The following SYN3 variants were observed in gnomAD, a reference collection of about 807,000 sequenced individuals.
SYN3 encodes synapsin III, also known as synapsin-3.
In SYN3, 35 loss-of-function variants were observed where a neutral mutation model predicts 65.8. That is an observed-to-expected ratio of 0.53 (90% confidence interval 0.41 to 0.70). SYN3 has a LOEUF of 0.70. Among genes scored for constraint, SYN3 ranks in the 30% least tolerant of loss-of-function variants. The probability of loss-of-function intolerance (pLI) is 0.00; values close to 1 mark genes in which losing one functional copy is unlikely to be tolerated. For missense variants in SYN3, 680 were observed against 749.0 expected (o/e 0.91, Z 1.08); for synonymous variants, 270 against 292.9 (o/e 0.92, Z 0.80).
In SYN3 at chr22:33,006,640, A is replaced by C. The variant is rs1279413120; in HGVS notation, c.23T>G (p.Leu8Arg). 6.3e-7 allele frequency: 1 copy of C among 1,587,798 alleles called. No homozygotes were observed. Among genetic ancestry groups the C allele is most frequent in the Non-Finnish European group, 8.6e-7 (1 of 1,166,188 alleles). Residue 8 changes from leucine (L) to arginine (R), a missense_variant, in exon 2 of 14, where the codon CTC becomes CGC. By Grantham distance (102) the Leu-to-Arg change is moderately radical. Transcript: ENST00000358763. ...GTTGGCCATGAAGCTGCTGTCAGAGAGACGTCGCCGGAGGAAATTCATGGC... is the reference window on the plus strand; with the variant it reads ...GTTGGCCATGAAGCTGCTGTCAGAGCGACGTCGCCGGAGGAAATTCATGGC... MNFLRRR[L>R]SDSSFMANLP...
chr22:33,009,507 C>T (rs1326675338), intron 1 of SYN3, among the ~76,000 whole-genome samples: 1 of 151,902 alleles, frequency 6.6e-6, no homozygotes, highest in African/African-American at 2.4e-5. Context: ...TTTATACATT[C>T]TAGATACAAG....
At chr22:32,879,650 A>G (rs1019999862) in intron 4 of SYN3, among the ~76,000 whole-genome samples, 16 of 152,246 alleles carry the variant, frequency 1.1e-4, no homozygotes, top group African/African-American at 3.6e-4. Context: ...ATTGAAGGTT[A>G]GGATTTCAAC....
intron 6 of SYN3, among the ~76,000 whole-genome samples, chr22:32,630,305 G>A (rs2059730370): frequency 6.6e-6 from 1 of 152,006 alleles, no homozygotes; most frequent in Admixed American, 6.6e-5. Context: ...TTTAGAGATG[G>A]GGTCTTGCCA....
chr22:32,576,346 C>T (rs1202955152), intron 7 of SYN3, among the ~76,000 whole-genome samples: 4 of 152,162 alleles, frequency 2.6e-5, no homozygotes, highest in African/African-American at 4.8e-5. Context: ...CCACTGGCTT[C>T]GCTTGTCTGA....
intron 6 of SYN3, among the ~76,000 whole-genome samples, chr22:32,727,250 G>A (rs1415529380): frequency 6.6e-6 from 1 of 152,140 alleles, no homozygotes; most frequent in Non-Finnish European, 1.5e-5. Flanking sequence ...TTGGTTTTCT[G>A]TTCCTGCATT....
intron 6 of SYN3, chr22:32,859,662 T>C (rs1361772809): frequency 2.8e-5 from 12 of 436,322 alleles, no homozygotes; most frequent in Middle Eastern, 1.2e-3. Context: ...TTCTTCGTGA[T>C]AATATAATCT....
At chr22:32,568,713 G>C (rs987664786) in intron 7 of SYN3, among the ~76,000 whole-genome samples, 6 of 152,136 alleles carry the variant, frequency 3.9e-5, no homozygotes, top group East Asian at 3.8e-4. Flanking sequence ...CATCACCTTG[G>C]GGGGTAGGAC....
rs1235643998 is a variant in SYN3 at position 32,513,754 on chromosome 22, C to T, written c.1681G>A (p.Glu561Lys). The T allele has an allele frequency of 3.1e-6, 5 of 1,614,180 alleles. No individual in the cohort carries two copies. The South Asian group carries it at 3.3e-5, about 11-fold the overall frequency. The change falls in exon 14 of 14, where the codon GAG (glutamate) becomes AAG (lysine). Residue 561 changes from glutamate to lysine, a missense_variant. Coordinates refer to ENST00000358763, the MANE Select transcript of SYN3 (RefSeq NM_003490.4). Reference sequence around the variant, plus strand: ...TTGCGGATGGTTTCAGCCTTGGCCTCGTCTTCACTTGGGGTCCCACGCTGG... The same window carrying T: ...TTGCGGATGGTTTCAGCCTTGGCCTTGTCTTCACTTGGGGTCCCACGCTGG... Reference protein sequence around the residue: ...TSQRGTPSEDEAKAETIRNLR... With the variant: ...TSQRGTPSEDKAKAETIRNLR...
At chr22:32,699,866 G>T (rs2060787921) in intron 6 of SYN3, among the ~76,000 whole-genome samples, 1 of 152,106 alleles carries the variant, frequency 6.6e-6, no homozygotes, top group East Asian at 1.9e-4. Context: ...TTGAGGCAAG[G>T]TCTATGACTC....
intron 6 of SYN3, among the ~76,000 whole-genome samples, chr22:32,842,283 G>T (rs965264685): frequency 2.0e-5 from 3 of 152,122 alleles, no homozygotes; most frequent in African/African-American, 7.2e-5. Context: ...GTTTTTTTGG[G>T]AGTTGGGATT....
intron 5 of SYN3, 83 bp from the exon 6 acceptor site, chr22:32,865,087 ATC>A: frequency 2.7e-6 from 3 of 1,129,594 alleles, no homozygotes; most frequent in Non-Finnish European, 4.0e-6. Flanking sequence ...GGCCTCAAGC[ATC>A]TGACTGTTCT....
At chr22:32,621,470 A>G (rs1420625093) in intron 6 of SYN3, among the ~76,000 whole-genome samples, 1 of 152,048 alleles carries the variant, frequency 6.6e-6, no homozygotes. Flanking sequence ...AAGAAAAACC[A>G]TCTCAGATGG....
At chr22:32,949,105 A>G (rs1034844788) in intron 3 of SYN3, among the ~76,000 whole-genome samples, 19 of 152,266 alleles carry the variant, frequency 1.2e-4, no homozygotes, top group East Asian at 3.9e-4. Context: ...TTTGAGCATC[A>G]TATCACTAAA....
intron 6 of SYN3, among the ~76,000 whole-genome samples, chr22:32,768,637 G>A (rs1029491518): frequency 2.9e-5 from 2 of 69,078 alleles, no homozygotes; most frequent in East Asian, 2.9e-4. Flanking sequence ...TAAACACTCT[G>A]TTTTATCTTA....
intron 7 of SYN3, among the ~76,000 whole-genome samples, chr22:32,578,399 A>AC: frequency 6.6e-6 from 1 of 152,100 alleles, no homozygotes; most frequent in East Asian, 1.9e-4. Context: ...GGTGTGCACC[A>AC]CCACACCTGG....
At position 32,836,369 on chromosome 22, in the gene SYN3, C is replaced by T. The variant is rs529088193; in HGVS notation, c.711+28546G>A. 8.5e-5 allele frequency among the ~76,000 whole-genome samples: 13 copies of T among 152,350 alleles called. No individual in the cohort carries two copies. In the South Asian group the frequency reaches 2.5e-3, roughly 29 times the overall value. ...TGGTCTTCTCCTTCTTTATCAATGA[C>T]TCCATCTCCCTGTCACACTTCAAGG... On this transcript the variant is annotated intron_variant, in intron 6 of 13. Coordinates refer to ENST00000358763, the MANE Select transcript of SYN3 (RefSeq NM_003490.4).
rs533192507 is a variant in SYN3, at chr22:32,636,484, A to G, written c.712-39748T>C. Among the ~76,000 whole-genome samples, 42 of 152,236 alleles carry G rather than the reference A, an allele frequency of 2.8e-4. 1 individual carries two copies. In the East Asian group the frequency reaches 7.7e-3, roughly 28 times the overall value. The stretch of plus-strand genomic sequence containing the variant: ...GTTCCCACCTTCACCAGTCATTGGT[A>G]AAAGAGAAGATCCACCTTAAAAGTG... On this transcript the variant is annotated intron_variant, in intron 6 of 13. Coordinates refer to ENST00000358763, the MANE Select transcript of SYN3 (RefSeq NM_003490.4).
intron 1 of SYN3, among the ~76,000 whole-genome samples, chr22:33,018,968 C>T (rs918716663): frequency 5.3e-5 from 8 of 152,162 alleles, no homozygotes; most frequent in African/African-American, 1.9e-4. Flanking sequence ...ATCATTCCTA[C>T]CATAGACTTG....
chr22:32,834,075 A>G (rs917261373), intron 6 of SYN3, among the ~76,000 whole-genome samples: 6 of 152,008 alleles, frequency 3.9e-5, no homozygotes, highest in Non-Finnish European at 8.8e-5. Context: ...TGGAAAATGT[A>G]TTCCAATTTG....
Sources: allele counts gnomAD v4.1 joint callset (sites outside exome capture counted in the v4.1 genomes callset), GRCh38; gene constraint gnomAD v4.1.1; transcripts MANE v1.5; gene names NCBI Gene and HGNC (gene_info 2026-07-23, HGNC 2026-07-21).